The following PHLPP1 variants were observed in gnomAD, a reference collection of about 807,000 sequenced individuals.
PHLPP1 encodes PH domain leucine-rich repeat-containing protein phosphatase 1.
In PHLPP1, 42 loss-of-function variants were observed where a neutral mutation model predicts 117.2. That is an observed-to-expected ratio of 0.36 (90% CI 0.28 to 0.46). The LOEUF (loss-of-function observed/expected upper bound fraction) is 0.46. Ranked by LOEUF, PHLPP1 falls within the 20% of genes least tolerant of loss-of-function variation. The pLI is 1.00. For synonymous variants in PHLPP1, 1,042 were observed against 970.7 expected, an observed-to-expected ratio of 1.07 and a Z score of -1.37; for missense variants, 2,084 against 2,241.9, an observed-to-expected ratio of 0.93 and a Z score of 1.42.
chr18:62,748,252 T>G (rs1911738082), intron 1 of PHLPP1, among the ~76,000 whole-genome samples: 2 of 151,660 alleles, frequency 1.3e-5, no homozygotes, highest in Non-Finnish European at 2.9e-5. Context: ...TTTTTGTTTT[T>G]TTTTTTTTTG....
At chr18:62,807,007 A>G (rs576643355) in intron 1 of PHLPP1, among the ~76,000 whole-genome samples, 1 of 152,260 alleles carries the variant, frequency 6.6e-6, no homozygotes, top group Non-Finnish European at 1.5e-5. Context: ...AATTTTTTAT[A>G]AATAAAGTTG....
At chr18:62,945,349 G>A (rs1910250438) in intron 12 of PHLPP1, 78 bp downstream of exon 12, 3 of 1,199,362 alleles carry the variant, frequency 2.5e-6, no homozygotes, top group Admixed American at 2.7e-5. Flanking sequence ...AACTCAGGAC[G>A]TTTGCATCTT....
In PHLPP1 at chr18:62,825,147, C is replaced by T. The variant is rs200255437; in HGVS notation, c.1577-4888C>T. On this transcript the variant is annotated intron_variant, in intron 1 of 16. Coordinates refer to ENST00000262719, the MANE Select transcript of PHLPP1 (RefSeq NM_194449.4). ...ATAATTTTTGTATTTTTAGTAGAGA[C>T]GGGGTTTCGCCATCTTGGCCAGGCT... Among the ~76,000 whole-genome samples the T allele has an allele frequency of 1.2e-4, 18 of 151,776 alleles. No individual in the cohort carries two copies. The East Asian group carries it at 1.9e-3, about 16-fold the overall frequency.
intron 1 of PHLPP1, among the ~76,000 whole-genome samples, chr18:62,805,067 A>T (rs1420582283): frequency 7.2e-6 from 1 of 139,098 alleles, no homozygotes; most frequent in Non-Finnish European, 1.6e-5. Flanking sequence ...TGCATAGGTT[A>T]TACATATACA....
intron 10 of PHLPP1, among the ~76,000 whole-genome samples, chr18:62,936,696 A>G (rs977494442): frequency 7.2e-5 from 11 of 152,348 alleles, no homozygotes; most frequent in South Asian, 2.1e-4. Context: ...TACTCTAATG[A>G]TGATGAAACA....
chr18:62,894,899 CTCTTTA>C, intron 4 of PHLPP1, 106 bp from the exon 5 acceptor site: 1 of 889,808 alleles, frequency 1.1e-6, no homozygotes. Flanking sequence ...CCCCCATTTC[CTCTTTA>C]GTTGAATTTG....
intron 1 of PHLPP1, among the ~76,000 whole-genome samples, chr18:62,808,034 G>T (rs139997573): frequency 1.3e-5 from 2 of 152,320 alleles, no homozygotes; most frequent in East Asian, 3.9e-4. Flanking sequence ...TCCTATGTGT[G>T]TGTGGTCTGT....
At chr18:62,853,123 C>T (rs1915401643) in intron 3 of PHLPP1, among the ~76,000 whole-genome samples, 1 of 152,096 alleles carries the variant, frequency 6.6e-6, no homozygotes, top group African/African-American at 2.4e-5. Flanking sequence ...TTGTTGTTCA[C>T]ATTAGCATTT....
At chr18:62,783,476 C>T (rs545488546) in intron 1 of PHLPP1, among the ~76,000 whole-genome samples, 13 of 152,166 alleles carry the variant, frequency 8.5e-5, no homozygotes, top group Non-Finnish European at 1.9e-4. Flanking sequence ...GATCTGCCCG[C>T]CTTGGCCTCC....
At chr18:62,916,617 T>TGG (rs1909285330) in intron 9 of PHLPP1, among the ~76,000 whole-genome samples, 2 of 151,582 alleles carry the variant, frequency 1.3e-5, no homozygotes, top group African/African-American at 2.4e-5. Context: ...TGTGTGTGTG[T>TGG]GTGTGTGTGT....
intron 1 of PHLPP1, among the ~76,000 whole-genome samples, chr18:62,758,765 A>G (rs1208199413): frequency 5.3e-5 from 8 of 151,876 alleles, no homozygotes; most frequent in Non-Finnish European, 5.9e-5. Flanking sequence ...TTGAAACAAA[A>G]CAAAACAAAA....
At chr18:62,747,739 T>C (rs1405198847) in intron 1 of PHLPP1, among the ~76,000 whole-genome samples, 1 of 152,140 alleles carries the variant, frequency 6.6e-6, no homozygotes, top group East Asian at 1.9e-4. Context: ...AAGCTGGTTT[T>C]GAACTCCTGG....
intron 1 of PHLPP1, among the ~76,000 whole-genome samples, chr18:62,798,333 GA>G (rs1283557832): frequency 6.6e-6 from 1 of 152,172 alleles, no homozygotes; most frequent in African/African-American, 2.4e-5. Context: ...AGGTGTGCAT[GA>G]TTCCACTCAT....
chr18:62,736,056 CTTTGCACCGA>C (rs1198398455), intron 1 of PHLPP1, among the ~76,000 whole-genome samples: 3 of 152,098 alleles, frequency 2.0e-5, no homozygotes, highest in Non-Finnish European at 4.4e-5. Flanking sequence ...GGCCTGGAAT[CTTTGCACCGA>C]AAGGGGGCAG....
chr18:62,854,293 A>G (rs1051935901), intron 3 of PHLPP1, among the ~76,000 whole-genome samples: 12 of 152,214 alleles, frequency 7.9e-5, no homozygotes, highest in Non-Finnish European at 1.6e-4. Flanking sequence ...AAATATCTAT[A>G]ACCTCTTATA....
chr18:62,728,504 C>CT (rs761250873), intron 1 of PHLPP1, among the ~76,000 whole-genome samples: 5,881 of 137,950 alleles, frequency 0.043, 198 homozygotes, highest in African/African-American at 0.095. Flanking sequence ...TTATCTTTAT[C>CT]TTTTTTTTTT....
At chr18:62,782,331 G>T (rs184919916) in intron 1 of PHLPP1, among the ~76,000 whole-genome samples, 14 of 152,188 alleles carry the variant, frequency 9.2e-5, no homozygotes, top group African/African-American at 3.1e-4. Context: ...GAGAACAGAG[G>T]CACCAGACAT....
chr18:62,873,004 A>AG (rs77886053), intron 4 of PHLPP1, among the ~76,000 whole-genome samples: 1 of 150,896 alleles, frequency 6.6e-6, no homozygotes, highest in Non-Finnish European at 1.5e-5. Context: ...AAAAAAAAAA[A>AG]AAAGAAAAGG....
At chr18:62,912,324 A>AT (rs1916978457) in intron 8 of PHLPP1, among the ~76,000 whole-genome samples, 1 of 145,970 alleles carries the variant, frequency 6.9e-6, no homozygotes, top group African/African-American at 2.5e-5. Flanking sequence ...ATTAAAAAAA[A>AT]AATAATAAAA....
Sources: gnomAD v4.1 joint callset for allele counts (sites outside exome capture counted in the v4.1 genomes callset) on GRCh38, gnomAD v4.1.1 for gene constraint, MANE v1.5 for transcripts, NCBI Gene and HGNC (gene_info 2026-07-23, HGNC 2026-07-21) for gene names.